The following KCNIP4 variants were observed in gnomAD, a reference collection of about 807,000 sequenced individuals.
The protein encoded by KCNIP4 is Kv channel-interacting protein 4.
A neutral mutation model predicts 34.0 loss-of-function variants in KCNIP4; 12 were observed. That is an observed-to-expected ratio of 0.35 (90% confidence interval 0.23 to 0.57). The LOEUF (loss-of-function observed/expected upper bound fraction) is 0.57. KCNIP4 is among the 20% of genes least tolerant of loss of function. The pLI is 0.83. For synonymous variants in KCNIP4, 124 were observed against 102.2 expected, an observed-to-expected ratio of 1.21 and a Z score of -1.29; for missense variants, 238 against 311.7, an observed-to-expected ratio of 0.76 and a Z score of 1.78.
At chr4:21,520,253 C>G (rs942653507) in intron 1 of KCNIP4, among the ~76,000 whole-genome samples, 11 of 152,112 alleles carry the variant, frequency 7.2e-5, no homozygotes, top group Non-Finnish European at 1.2e-4. Flanking sequence ...TTGCATCCTT[C>G]AATCCCAATC....
At chr4:21,735,992 A>G (rs1479630816) in intron 1 of KCNIP4, among the ~76,000 whole-genome samples, 1 of 152,174 alleles carries the variant, frequency 6.6e-6, no homozygotes, top group Non-Finnish European at 1.5e-5. Context: ...TGCAAAGAGA[A>G]TGCAAGAAGA....
At chr4:21,366,604 C>T (rs983590620) in intron 1 of KCNIP4, among the ~76,000 whole-genome samples, 1 of 152,074 alleles carries the variant, frequency 6.6e-6, no homozygotes, top group Non-Finnish European at 1.5e-5. Context: ...ACATGCTAGC[C>T]CTTGAGCTAG....
Position 21,493,213 on chromosome 4 carries a change from G to A in KCNIP4, c.61+455358C>T, listed in dbSNP as rs561663296. Among the ~76,000 whole-genome samples, 6 of 152,146 alleles carry A rather than the reference G, an allele frequency of 3.9e-5. No individual in the cohort carries two copies. In the East Asian group the frequency reaches 9.7e-4, roughly 25 times the overall value. ...CCGGGCTGACCTCTAGTAACAGCTC[G>A]TGCACCTGTTGTCAATTCAATTTAC... is the stretch of plus-strand genomic sequence containing the variant. On this transcript the variant is annotated intron_variant, in intron 1 of 8. Coordinates refer to ENST00000382152, the MANE Select transcript of KCNIP4 (RefSeq NM_025221.6).
intron 2 of KCNIP4, among the ~76,000 whole-genome samples, chr4:20,864,271 CACATATGTATGCATAT>C: frequency 6.6e-6 from 1 of 150,796 alleles, no homozygotes; most frequent in South Asian, 2.1e-4. Flanking sequence ...TATGTATGTA[CACATATGTATGCATAT>C]ATGTACACAT....
intron 1 of KCNIP4, among the ~76,000 whole-genome samples, chr4:21,946,539 A>C (rs747022636): frequency 9.8e-5 from 15 of 152,344 alleles, no homozygotes; most frequent in Non-Finnish European, 1.8e-4. Context: ...CCTATATCTG[A>C]TCACAAGTAA....
At chr4:20,787,922 A>G (rs1165574506) in intron 3 of KCNIP4, among the ~76,000 whole-genome samples, 1 of 152,118 alleles carries the variant, frequency 6.6e-6, no homozygotes, top group Non-Finnish European at 1.5e-5. Context: ...TTTAATATCT[A>G]ATCATATCTT....
At chr4:21,825,110 G>C (rs917410083) in intron 1 of KCNIP4, among the ~76,000 whole-genome samples, 7 of 150,782 alleles carry the variant, frequency 4.6e-5, no homozygotes, top group Non-Finnish European at 9.0e-5. Flanking sequence ...TATTTCACAT[G>C]TTTTCATTTC....
rs555371522 is a variant in KCNIP4 at position 20,792,149 on chromosome 4, G to A, written c.289-33259C>T. On this transcript the variant is annotated intron_variant, in intron 3 of 8. Transcript: ENST00000382152. ...AGCACTTTGAGAAGCTGAGGCAGGC[G>A]GATCATCTGAAGTCAGGAGTTTGAG... Among the ~76,000 whole-genome samples, 22 of 152,262 alleles carry A rather than the reference G, an allele frequency of 1.4e-4. No individual in the cohort carries two copies. The South Asian group carries it at 2.5e-3, about 17-fold the overall frequency.
intron 1 of KCNIP4, among the ~76,000 whole-genome samples, chr4:21,454,964 C>A (rs1426722103): frequency 6.6e-6 from 1 of 152,136 alleles, no homozygotes; most frequent in East Asian, 1.9e-4. Flanking sequence ...TTAGTTTACT[C>A]AGGACCATCC....
At chr4:21,944,742 C>T (rs1463171933) in intron 1 of KCNIP4, among the ~76,000 whole-genome samples, 3 of 152,166 alleles carry the variant, frequency 2.0e-5, no homozygotes, top group African/African-American at 7.2e-5. Flanking sequence ...TCTCACAGAG[C>T]TCACAGTCTT....
chr4:21,377,771 C>G (rs1721095968), intron 1 of KCNIP4, among the ~76,000 whole-genome samples: 1 of 152,114 alleles, frequency 6.6e-6, no homozygotes, highest in Admixed American at 6.5e-5. Flanking sequence ...TTTTCATTCC[C>G]CTTACAACAT....
intron 1 of KCNIP4, among the ~76,000 whole-genome samples, chr4:20,947,800 C>CGGCAGCT (rs1386540520): frequency 2.6e-5 from 4 of 152,186 alleles, no homozygotes; most frequent in African/African-American, 9.7e-5. Flanking sequence ...TAACTACACA[C>CGGCAGCT]GGCAGCTCCT....
At chr4:21,053,709 T>C (rs759945291) in intron 1 of KCNIP4, among the ~76,000 whole-genome samples, 1 of 152,224 alleles carries the variant, frequency 6.6e-6, no homozygotes. Context: ...CACATTTCTA[T>C]GTACCAGCAA....
chr4:21,373,911 G>C (rs1720725546), intron 1 of KCNIP4, among the ~76,000 whole-genome samples: 1 of 146,222 alleles, frequency 6.8e-6, no homozygotes. Context: ...CACCATATTG[G>C]CCAGGCTGGT....
At chr4:21,291,995 A>T (rs906675969) in intron 1 of KCNIP4, among the ~76,000 whole-genome samples, 13 of 152,194 alleles carry the variant, frequency 8.5e-5, no homozygotes, top group African/African-American at 3.1e-4. Flanking sequence ...GAATACAAGT[A>T]GAAAATTCCG....
chr4:20,992,542 C>G (rs1737170913), intron 1 of KCNIP4, among the ~76,000 whole-genome samples: 1 of 152,080 alleles, frequency 6.6e-6, no homozygotes, highest in Non-Finnish European at 1.5e-5. Flanking sequence ...ACTCTCCTCC[C>G]CAAATAATTC....
Position 21,438,152 on chromosome 4 carries a change from C to G in KCNIP4, c.61+510419G>C, listed in dbSNP as rs140173205. On this transcript the variant is annotated intron_variant, in intron 1 of 8. Coordinates refer to ENST00000382152, the MANE Select transcript of KCNIP4 (RefSeq NM_025221.6). ...TATAAATCTCGCTAGCTCTTCAAGA[C>G]AACCTGCTTATAACTATTTACATAC... Among the ~76,000 whole-genome samples, 24 of 152,250 alleles carry G rather than the reference C, an allele frequency of 1.6e-4. No individual in the cohort carries two copies. The East Asian group carries it at 4.3e-3, about 27-fold the overall frequency.
chr4:20,772,306 C>A (rs1383654572), intron 3 of KCNIP4, among the ~76,000 whole-genome samples: 1 of 152,150 alleles, frequency 6.6e-6, no homozygotes, highest in Non-Finnish European at 1.5e-5. Context: ...ATTTGTTCAA[C>A]ACGTATTCAT....
intron 1 of KCNIP4, among the ~76,000 whole-genome samples, chr4:21,456,930 A>G (rs1026317256): frequency 6.6e-6 from 1 of 152,066 alleles, no homozygotes; most frequent in Non-Finnish European, 1.5e-5. Context: ...CCGCCGGGTC[A>G]CCCTGGGCTC....
Sources: allele counts gnomAD v4.1 joint callset (sites outside exome capture counted in the v4.1 genomes callset), GRCh38; gene constraint gnomAD v4.1.1; transcripts MANE v1.5; gene names NCBI Gene and HGNC (gene_info 2026-07-23, HGNC 2026-07-21).